The following CNNM4 variants were observed in gnomAD, a reference collection of about 807,000 sequenced individuals.
CNNM4 encodes the protein cyclin and CBS domain divalent metal cation transport mediator 4, also known as metal transporter CNNM4.
A neutral mutation model predicts 53.7 loss-of-function variants in CNNM4; 32 were observed. The ratio of observed to expected loss-of-function variants is 0.60; its 90% confidence interval spans 0.45 to 0.80. The LOEUF (loss-of-function observed/expected upper bound fraction) is 0.80, where lower values mean the gene tolerates loss of function less well. Among genes scored for constraint, CNNM4 ranks in the 30% least tolerant of loss-of-function variants. The probability of loss-of-function intolerance (pLI) is 0.00; values close to 1 mark genes in which losing one functional copy is unlikely to be tolerated. For synonymous variants in CNNM4, 410 were observed against 440.0 expected (o/e 0.93, Z 0.85); for missense variants, 784 against 1,022.0 (o/e 0.77, Z 3.17).
rs144495984 is a variant in CNNM4, at chr2:96,799,642, C to T, written c.1942C>T (p.Pro648Ser). 350 of 1,551,398 alleles carry T rather than the reference C, an allele frequency of 2.3e-4. 3 individuals carry two copies. The highest frequency in any genetic ancestry group is 3.3e-4 in the Middle Eastern group (2 of 5,974). Residue 648 changes from proline (P) to serine (S), a missense_variant, in exon 5 of 7, where the codon CCC (proline) becomes TCC (serine). By Grantham distance (74) the Pro-to-Ser change is moderately conservative. Coordinates refer to ENST00000377075, the MANE Select transcript of CNNM4 (RefSeq NM_020184.4). ...YYGTMALTSV[P>S]SDRSPAHPTP... ...TGGGACTATGGCCCTGACCTCGGTC[C>T]CCTCCGGTGAGTTGTTGGGCATGGT...
intron 4 of CNNM4, 133 bp downstream of exon 4, chr2:96,799,359 C>T (rs373228729): frequency 1.8e-5 from 24 of 1,328,158 alleles, no homozygotes; most frequent in South Asian, 2.4e-5. Flanking sequence ...CCTTGAGCCC[C>T]GCCTGCCCCA....
chr2:96,772,737 A>G (rs1574057968), intron 1 of CNNM4, among the ~76,000 whole-genome samples: 1 of 111,900 alleles, frequency 8.9e-6, no homozygotes, highest in African/African-American at 3.5e-5. Flanking sequence ...GTGCACACAC[A>G]CACACACACT....
At position 96,811,692 on chromosome 2, in the gene CNNM4, G is replaced by T. The variant is rs376267610; in HGVS notation, c.*2175G>T. On this transcript the variant is annotated 3_prime_UTR_variant, in exon 7 of 7. Transcript: ENST00000377075. ...AATGGGTAGGCAGGTGACAGCCGCC[G>T]TATTTATTTTGCATAATATTTTAAT... 8.5e-5 allele frequency: 13 copies of T among 152,456 alleles called. No homozygotes were observed. Among genetic ancestry groups the T allele is most frequent in the African/African-American group, 3.1e-4 (13 of 41,376 alleles). The allele number at this position is 152,456 out of a possible 1,614,324, so 9.4% of individuals were successfully genotyped here.
At chr2:96,804,083 G>A (rs1327402612) in intron 5 of CNNM4, among the ~76,000 whole-genome samples, 3 of 151,006 alleles carry the variant, frequency 2.0e-5, no homozygotes, top group Admixed American at 2.0e-4. Context: ...TTAACTTTTT[G>A]TAGAGATGGG....
intron 3 of CNNM4, among the ~76,000 whole-genome samples, chr2:96,798,049 G>C (rs1353267620): frequency 6.6e-6 from 1 of 152,058 alleles, no homozygotes; most frequent in Non-Finnish European, 1.5e-5. Context: ...GCCAGGCATG[G>C]TGGTGCCCTC....
intron 1 of CNNM4, among the ~76,000 whole-genome samples, chr2:96,767,901 C>T (rs902870516): frequency 2.0e-5 from 3 of 152,220 alleles, no homozygotes; most frequent in Admixed American, 6.5e-5. Flanking sequence ...AAAACCCCAT[C>T]TTTACTAAAA....
At chr2:96,771,963 A>G (rs1490124676) in intron 1 of CNNM4, among the ~76,000 whole-genome samples, 1 of 152,092 alleles carries the variant, frequency 6.6e-6, no homozygotes, top group Non-Finnish European at 1.5e-5. Flanking sequence ...GTGTTGCTGG[A>G]GCATTCCCCA....
chr2:96,799,455 T>C, intron 4 of CNNM4, 97 bp from the exon 5 acceptor site: 1 of 1,218,502 alleles, frequency 8.2e-7, no homozygotes, highest in South Asian at 1.3e-5. Context: ...CGGCCCTTCC[T>C]CCTGCCCCAC....
chr2:96,783,185 G>A (rs1047279032), intron 1 of CNNM4, among the ~76,000 whole-genome samples: 6 of 152,232 alleles, frequency 3.9e-5, no homozygotes, highest in African/African-American at 1.4e-4. Flanking sequence ...AAGCAATTGA[G>A]CAAAGGTACA....
rs911921163 is a variant in CNNM4, at chr2:96,800,335, G to C, written c.1948+687G>C. On this transcript the variant is annotated intron_variant, in intron 5 of 6. Transcript: ENST00000377075. This position sits in a 1 kb window ranked among gnomAD's most constrained non-coding sequence, Gnocchi z 4.6. Reference sequence around the variant, plus strand: ...ATCTCCTCGCTCCTCTCCAGGCTTCGGTCCTGGGGCGAGGTTGCTGCAGGG... The same window carrying C: ...ATCTCCTCGCTCCTCTCCAGGCTTCCGTCCTGGGGCGAGGTTGCTGCAGGG... Among the ~76,000 whole-genome samples the C allele has an allele frequency of 3.3e-5, 5 of 152,198 alleles. No homozygotes were observed. Among genetic ancestry groups the C allele is most frequent in the African/African-American group, 1.2e-4 (5 of 41,446 alleles).
At chr2:96,788,953 T>G (rs2079037524) in intron 1 of CNNM4, 1 of 151,648 alleles carries the variant, frequency 6.6e-6, no homozygotes. Flanking sequence ...TATAATACGG[T>G]TTTCTTAAGG....
In CNNM4 at chr2:96,761,159, T is replaced by A; in HGVS notation, c.160T>A (p.Cys54Ser). ...GTIVGMRLAS[C>S]NKSCGTNPDG... ...GATCGTGGGCATGAGGCTGGCGAGC[T>A]GCAACAAGTCGTGTGGGACGAACCC... Residue 54 changes from cysteine to serine, a missense_variant, in exon 1 of 7, where the codon TGC becomes AGC. Cys to Ser is a moderately radical substitution (Grantham distance 112, BLOSUM62 -1). Coordinates refer to ENST00000377075, the MANE Select transcript of CNNM4 (RefSeq NM_020184.4). The surrounding 1 kb of genome is among the most constrained non-coding windows in gnomAD (Gnocchi z 6.0). 2 of 1,609,196 alleles carry A rather than the reference T, an allele frequency of 1.2e-6. No individual in the cohort carries two copies. The highest frequency in any genetic ancestry group is 1.7e-6 in the Non-Finnish European group (2 of 1,176,290).
rs143061035 is a variant in CNNM4, at chr2:96,800,592, G to T, written c.1948+944G>T. On this transcript the variant is annotated intron_variant, in intron 5 of 6. Coordinates refer to ENST00000377075, the MANE Select transcript of CNNM4 (RefSeq NM_020184.4). This position sits in a 1 kb window ranked among gnomAD's most constrained non-coding sequence, Gnocchi z 4.6. ...GGCATGGCAGGCTCCCTGGGCAGGGGACAGACAGGGCCCCAGAGCGGGGCT... is the reference window on the plus strand; with the variant it reads ...GGCATGGCAGGCTCCCTGGGCAGGGTACAGACAGGGCCCCAGAGCGGGGCT... Among the ~76,000 whole-genome samples, 73 of 152,366 alleles carry T rather than the reference G, an allele frequency of 4.8e-4. 1 individual carries two copies. The East Asian group carries it at 0.013, about 27-fold the overall frequency.
chr2:96,761,857 A>G lies in CNNM4; in HGVS notation c.858A>G (p.Leu286=), dbSNP rs1299879594. ...TIGIVIFGEI[L]PQALCSRHGL... ...GCATTGTCATCTTTGGGGAGATCCT[A>G]CCTCAGGCCCTGTGCTCCCGACATG... Residue 286 remains leucine (L), a synonymous_variant, in exon 1 of 7, where the codon CTA becomes CTG. Coordinates refer to ENST00000377075, the MANE Select transcript of CNNM4 (RefSeq NM_020184.4). This position sits in a 1 kb window ranked among gnomAD's most constrained non-coding sequence, Gnocchi z 6.0. The G allele has an allele frequency of 1.2e-6, 2 of 1,614,004 alleles. No individual in the cohort carries two copies. The highest frequency in any genetic ancestry group is 1.7e-5 in the Admixed American group (1 of 60,008).
chr2:96,799,701 A>C, intron 5 of CNNM4, 53 bp downstream of exon 5: 4 of 1,381,222 alleles, frequency 2.9e-6, no homozygotes, highest in Non-Finnish European at 4.0e-6. Context: ...GCAGCTGGGG[A>C]GCCATGGACC....
At chr2:96,805,418 G>GTTTTTTTTTT (rs898761608) in intron 5 of CNNM4, among the ~76,000 whole-genome samples, 464 of 75,168 alleles carry the variant, frequency 6.2e-3, no homozygotes, top group Non-Finnish European at 8.8e-3. Flanking sequence ...CTTCTTTTCA[G>GTTTTTTTTTT]TTTTTTTTTT....
chr2:96,762,594 A>G (rs935074467), intron 1 of CNNM4, among the ~76,000 whole-genome samples, 193 bp downstream of exon 1: 9 of 152,136 alleles, frequency 5.9e-5, no homozygotes, highest in African/African-American at 2.4e-5. Flanking sequence ...TCTGCCAGGT[A>G]GTGTGCTGTG....
Position 96,799,086 on chromosome 2 carries a change from T to G in CNNM4, c.1711T>G (p.Ser571Ala), listed in dbSNP as rs2153349690. The stretch of plus-strand genomic sequence containing the variant: ...CTCTCAGTTTAGCCCCTCCCTGATA[T>G]CAGAGAAGATCCTGCTGCGGCTACT... Reference protein sequence around the residue: ...EVSQFSPSLISEKILLRLLKY... With the variant: ...EVSQFSPSLIAEKILLRLLKY... Residue 571 changes from serine to alanine, a missense_variant, in exon 4 of 7, where the codon TCA becomes GCA. Physicochemically the swap from Ser to Ala is moderately conservative, Grantham distance 99 (BLOSUM62 1). This residue lies in a region of CNNM4 where 307 missense variants were observed against 376.3 expected (regional missense o/e 0.82). Coordinates refer to ENST00000377075, the MANE Select transcript of CNNM4 (RefSeq NM_020184.4). The G allele has an allele frequency of 2.5e-6, 4 of 1,614,096 alleles. No individual in the cohort carries two copies. The highest frequency in any genetic ancestry group is 1.7e-5 in the Admixed American group (1 of 60,022).
chr2:96,762,487 TTC>T lies in CNNM4; in HGVS notation c.1402+88_1402+89del, dbSNP rs976678332. ...TGTTTTGTGTCTGCTGGCTTTAGTG[TTC>T]TGTTTGTGTGACTCTGTGTCCCTTT... is the stretch of plus-strand genomic sequence containing the variant. On this transcript the variant is annotated intron_variant, in intron 1 of 6. Transcript: ENST00000377075. 1.4e-4 allele frequency: 184 copies of T among 1,294,168 alleles called. No homozygotes were observed. The African/African-American group carries it at 2.1e-3, about 15-fold the overall frequency. The allele number at this position is 1,294,168 out of a possible 1,614,324, so 80.2% of individuals were successfully genotyped here.
Sources: gnomAD v4.1 joint callset for allele counts (sites outside exome capture counted in the v4.1 genomes callset) on GRCh38, gnomAD v4.1.1 for gene constraint, gnomAD v4.1.1 regional missense constraint, Gnocchi (gnomAD v3.1) non-coding constraint, MANE v1.5 for transcripts, NCBI Gene and HGNC (gene_info 2026-07-23, HGNC 2026-07-21) for gene names.